Variants in CA10 observed in about 807,000 individuals in gnomAD.
CA10 encodes the protein carbonic anhydrase 10 (inactive).
CA10 carries 14 observed loss-of-function variants against 44.2 expected under a neutral mutation model. That is an observed-to-expected ratio of 0.32 (90% CI 0.21 to 0.50). CA10 has a LOEUF of 0.50. Ranked by LOEUF, CA10 falls within the 20% of genes least tolerant of loss-of-function variation. The pLI, the probability that CA10 is intolerant of heterozygous loss-of-function variation, is 0.99. For missense variants in CA10, 350 were observed against 409.7 expected (o/e 0.85, Z 1.26); for synonymous variants, 159 against 141.6 (o/e 1.12, Z -0.87).
intron 4 of CA10, among the ~76,000 whole-genome samples, chr17:51,710,010 T>A (rs1374734848): frequency 1.3e-5 from 2 of 152,216 alleles, no homozygotes; most frequent in Non-Finnish European, 2.9e-5. Context: ...AGCTGCCTGT[T>A]TTCCTGGGGT....
chr17:51,647,415 C>T (rs998808928), intron 6 of CA10, among the ~76,000 whole-genome samples: 1 of 152,096 alleles, frequency 6.6e-6, no homozygotes, highest in Non-Finnish European at 1.5e-5. Context: ...CTTTTCCTTC[C>T]CTCCCTCCCT....
chr17:51,717,985 A>G (rs1210096480), intron 4 of CA10, among the ~76,000 whole-genome samples: 1 of 148,714 alleles, frequency 6.7e-6, no homozygotes, highest in Non-Finnish European at 1.5e-5. Context: ...AAATCATTGT[A>G]TGTTCTCACG....
chr17:51,643,696 A>T (rs2143245802), intron 6 of CA10, among the ~76,000 whole-genome samples: 1 of 152,336 alleles, frequency 6.6e-6, no homozygotes, highest in African/African-American at 2.4e-5. Flanking sequence ...TGTGTCCTGT[A>T]TTGCATTTAC....
intron 3 of CA10, among the ~76,000 whole-genome samples, chr17:51,817,057 A>G (rs557770412): frequency 3.9e-4 from 60 of 152,360 alleles, no homozygotes; most frequent in African/African-American, 1.4e-3. Context: ...TAACCTTGCC[A>G]AACCCTTTAA....
At chr17:51,701,972 G>C (rs1295443643) in intron 4 of CA10, among the ~76,000 whole-genome samples, 1 of 152,158 alleles carries the variant, frequency 6.6e-6, no homozygotes, top group African/African-American at 2.4e-5. Context: ...ACCTTACCCA[G>C]ATGTCACAAA....
At chr17:51,756,587 A>C (rs1180385454) in intron 3 of CA10, among the ~76,000 whole-genome samples, 1 of 149,474 alleles carries the variant, frequency 6.7e-6, no homozygotes, top group Non-Finnish European at 1.5e-5. Context: ...CTCCTGCTTC[A>C]GCCTCCGGAG....
chr17:51,687,395 C>T (rs1915043646), intron 4 of CA10, among the ~76,000 whole-genome samples: 1 of 152,114 alleles, frequency 6.6e-6, no homozygotes, highest in African/African-American at 2.4e-5. Context: ...ATGTAAATTC[C>T]ACGAAACAGG....
At chr17:52,029,035 T>C (rs1344844418) in intron 2 of CA10, among the ~76,000 whole-genome samples, 1 of 152,218 alleles carries the variant, frequency 6.6e-6, no homozygotes, top group East Asian at 1.9e-4. Flanking sequence ...ACTGGATAAT[T>C]CCTTTGAGGG....
chr17:51,770,248 C>T (rs1905551144), intron 3 of CA10, among the ~76,000 whole-genome samples: 1 of 151,306 alleles, frequency 6.6e-6, no homozygotes, highest in Non-Finnish European at 1.5e-5. Flanking sequence ...AAATAAAAAG[C>T]TTTCCAGGCA....
chr17:52,031,894 T>G (rs888379198), intron 2 of CA10, among the ~76,000 whole-genome samples: 6 of 152,184 alleles, frequency 3.9e-5, no homozygotes, highest in African/African-American at 1.4e-4. Flanking sequence ...TGAGATCTAG[T>G]TACCGTGACC....
At chr17:51,801,588 T>A (rs1238572775) in intron 3 of CA10, among the ~76,000 whole-genome samples, 1 of 150,910 alleles carries the variant, frequency 6.6e-6, no homozygotes, top group East Asian at 1.9e-4. Context: ...AAAAAAAAAG[T>A]GTGATCAGAT....
intron 2 of CA10, among the ~76,000 whole-genome samples, chr17:51,983,003 C>T (rs558957581): frequency 2.0e-5 from 3 of 151,890 alleles, no homozygotes; most frequent in East Asian, 1.9e-4. Context: ...TATTTTTTCT[C>T]GAGTTTTCCT....
At chr17:51,970,098 G>A (rs1984227569) in intron 2 of CA10, among the ~76,000 whole-genome samples, 1 of 151,974 alleles carries the variant, frequency 6.6e-6, no homozygotes, top group Non-Finnish European at 1.5e-5. Context: ...ACTCCAAATA[G>A]AATTTTCATA....
intron 3 of CA10, among the ~76,000 whole-genome samples, chr17:51,794,564 A>G (rs183734058): frequency 6.6e-6 from 1 of 152,362 alleles, no homozygotes; most frequent in Non-Finnish European, 1.5e-5. Flanking sequence ...TTTACTAAAT[A>G]ACACCAAAGA....
At position 52,158,527 on chromosome 17, in the gene CA10, C is replaced by G. The variant is rs1296052103; in HGVS notation, c.-741G>C. ...CTGCAGCCTCTCAGCCGGGTTCCGG[C>G]AGTGCGTCCAGGGCGCCGAGGGGAA... On this transcript the variant is annotated 5_prime_UTR_variant, in exon 1 of 9. Coordinates refer to ENST00000451037, the MANE Select transcript of CA10 (RefSeq NM_020178.5). 5.2e-5 allele frequency: 8 copies of G among 153,998 alleles called. No homozygotes were observed. The highest frequency in any genetic ancestry group is 1.7e-4 in the African/African-American group (7 of 41,446). The allele number at this position is 153,998 out of a possible 1,614,324, so 9.5% of individuals were successfully genotyped here. A position where few individuals can be genotyped will look rare whatever the true frequency, so the allele number is the denominator to read the frequency against.
rs540287914 is a variant in CA10, at chr17:51,699,769, C to A, written c.466-46033G>T. ...AATCTATTCAATGAAAAATTCTCCC[C>A]AGCAGATGTGTATACCAGCTTCATC... On this transcript the variant is annotated intron_variant, in intron 4 of 8. Coordinates refer to ENST00000451037, the MANE Select transcript of CA10 (RefSeq NM_020178.5). Among the ~76,000 whole-genome samples, 7 of 152,264 alleles carry A rather than the reference C, an allele frequency of 4.6e-5. No individual in the cohort carries two copies. In the East Asian group the frequency reaches 1.4e-3, roughly 29 times the overall value.
Position 51,964,668 on chromosome 17 carries a change from G to A in CA10, c.137-33536C>T, listed in dbSNP as rs566939149. ...CAACTTGCTTCTGAATGTCTTTTGG[G>A]TAAAAAACAAATTTAATGCCAAAGT... On this transcript the variant is annotated intron_variant, in intron 2 of 8. Transcript: ENST00000451037. 4.6e-5 allele frequency among the ~76,000 whole-genome samples: 7 copies of A among 151,564 alleles called. No homozygotes were observed. In the South Asian group the frequency reaches 1.5e-3, roughly 32 times the overall value.
At chr17:51,696,361 C>A (rs568263123) in intron 4 of CA10, among the ~76,000 whole-genome samples, 2 of 152,146 alleles carry the variant, frequency 1.3e-5, no homozygotes, top group South Asian at 4.2e-4. Context: ...TTGGTCTGTT[C>A]AGGGTTTCCG....
chr17:52,095,464 A>G (rs974674575), intron 1 of CA10, among the ~76,000 whole-genome samples: 1 of 152,096 alleles, frequency 6.6e-6, no homozygotes, highest in Non-Finnish European at 1.5e-5. Context: ...TGCATTTTAT[A>G]TGTTAATCTC....
Sources: gnomAD v4.1 joint callset for allele counts (sites outside exome capture counted in the v4.1 genomes callset) on GRCh38, gnomAD v4.1.1 for gene constraint, MANE v1.5 for transcripts, NCBI Gene and HGNC (gene_info 2026-07-23, HGNC 2026-07-21) for gene names.